Variants in GMIP observed in about 807,000 individuals in gnomAD.
The protein encoded by GMIP is GEM-interacting protein.
Under a neutral mutation model 105.3 loss-of-function variants are expected in GMIP, and 54 were observed. That is an observed-to-expected ratio of 0.51 (90% CI 0.41 to 0.64). GMIP has a LOEUF of 0.64. Among genes scored for constraint, GMIP ranks in the 30% least tolerant of loss-of-function variants. The pLI is 0.00. For synonymous variants in GMIP, 541 were observed against 560.8 expected, an observed-to-expected ratio of 0.96 and a Z score of 0.50; for missense variants, 1,110 against 1,319.4, an observed-to-expected ratio of 0.84 and a Z score of 2.46.
rs2061847566 is a variant in GMIP at position 19,635,744 on chromosome 19, A to C, written c.1328-23T>G. 4 of 1,597,364 alleles carry C rather than the reference A, an allele frequency of 2.5e-6. No homozygotes were observed. Among genetic ancestry groups the C allele is most frequent in the Non-Finnish European group, 3.4e-6 (4 of 1,165,016 alleles). On this transcript the variant is annotated intron_variant, in intron 13 of 20. Coordinates refer to ENST00000203556, the MANE Select transcript of GMIP (RefSeq NM_016573.4). This position sits in a 1 kb window ranked among gnomAD's most constrained non-coding sequence, Gnocchi z 4.7. ...CGCCTGGGGTCAGAGGAATCATGGG[A>C]GATTCCTGGGCTATGGGAGGCACTC...
chr19:19,641,696 T>TG, intron 4 of GMIP, 114 bp downstream of exon 4: 1 of 799,640 alleles, frequency 1.3e-6, no homozygotes, highest in Non-Finnish European at 2.2e-6. Flanking sequence ...TTGTGTGTAC[T>TG]GCCATATTCC....
At position 19,630,337 on chromosome 19, in the gene GMIP, CTG is replaced by C. The variant is rs752557374; in HGVS notation, c.2540-3_2540-2del. ...GAGTCCTCTGGGCCTTGGCTGGACA[CTG>C]TGTACGGGGTGGGTGGTCAGTGCAG... is the stretch of plus-strand genomic sequence containing the variant. On this transcript the variant is annotated splice_acceptor_variant and splice_polypyrimidine_tract_variant and intron_variant, in intron 20 of 20. Coordinates refer to ENST00000203556, the MANE Select transcript of GMIP (RefSeq NM_016573.4). LOFTEE classifies it high-confidence loss of function. The surrounding 1 kb of genome is among the most constrained non-coding windows in gnomAD (Gnocchi z 4.8). 2.6e-6 allele frequency: 4 copies of C among 1,540,864 alleles called. No individual in the cohort carries two copies. Among genetic ancestry groups the C allele is most frequent in the Admixed American group, 2.0e-5 (1 of 49,798 alleles).
intron 19 of GMIP, among the ~76,000 whole-genome samples, chr19:19,631,909 A>G (rs920872790): frequency 6.6e-6 from 1 of 150,868 alleles, no homozygotes; most frequent in Non-Finnish European, 1.5e-5. Context: ...AATGACGTGA[A>G]CCTGGGAGGC....
At position 19,633,882 on chromosome 19, in the gene GMIP, G is replaced by C. The variant is rs1376824033; in HGVS notation, c.2393C>G (p.Pro798Arg). ...PPHLDPDSQPPVLASDPGPDP... is the reference protein window; with the variant it reads ...PPHLDPDSQPRVLASDPGPDP... ...TGGGCCGGGGTCTGAGGCTAGGACT[G>C]GGGGCTGGGAGTCTGGGTCAAGGTG... The change falls in exon 19 of 21, where the codon CCA (proline) becomes CGA (arginine). Residue 798 changes from proline (P) to arginine (R), a missense_variant. Physicochemically the swap from Pro to Arg is moderately radical, Grantham distance 103. This residue lies in a region of GMIP where 394 missense variants were observed against 450.5 expected (regional missense o/e 0.87). Coordinates refer to ENST00000203556, the MANE Select transcript of GMIP (RefSeq NM_016573.4). 6.6e-7 allele frequency: 1 copy of C among 1,508,610 alleles called. No homozygotes were observed. The highest frequency in any genetic ancestry group is 2.3e-5 in the East Asian group (1 of 43,440). 93.5% of individuals were successfully genotyped at this position (1,508,610 alleles called of 1,614,324 possible).
chr19:19,640,183 G>A lies in GMIP; in HGVS notation c.439C>T (p.Pro147Ser), dbSNP rs764412314. The change falls in exon 7 of 21, where the codon CCT becomes TCT. Residue 147 changes from proline to serine, a missense_variant. Physicochemically the swap from Pro to Ser is moderately conservative, Grantham distance 74 (BLOSUM62 -1). Transcript: ENST00000203556. ...KVSIQQQSHM[P>S]LQYIYTLFLE... ...AACAGGGTGTAGATGTACTGCAGAG[G>A]CATGTGGCTCTGGGGAAGACAGAGT... The A allele has an allele frequency of 6.2e-7, 1 of 1,609,114 alleles. No homozygotes were observed. The highest frequency in any genetic ancestry group is 1.1e-5 in the South Asian group (1 of 90,972).
At chr19:19,641,672 G>A in intron 4 of GMIP, 138 bp downstream of exon 4, 1 of 734,096 alleles carries the variant, frequency 1.4e-6, no homozygotes, top group Non-Finnish European at 2.4e-6. Context: ...CCTGAGGGCT[G>A]GGACTGAGAT....
rs761872001 is a variant in GMIP at position 19,635,642 on chromosome 19, A to C, written c.1405+2T>G. The C allele has an allele frequency of 3.7e-6, 6 of 1,613,890 alleles. No homozygotes were observed. The African/African-American group carries it at 8.0e-5, about 22-fold the overall frequency. ...TCCTGACCTACCCTGCTTCAGCCTC[A>C]CCAGGGTCTCGCTCCTCAAAGTCAT... On this transcript the variant is annotated splice_donor_variant, in intron 14 of 20. Transcript: ENST00000203556. LOFTEE classifies it high-confidence loss of function. The surrounding 1 kb of genome is among the most constrained non-coding windows in gnomAD (Gnocchi z 4.7).
intron 1 of GMIP, 188 bp downstream of exon 1, chr19:19,643,323 G>C (rs909818432): frequency 4.1e-5 from 20 of 488,108 alleles, no homozygotes; most frequent in African/African-American, 3.2e-4. Flanking sequence ...AAAGGGGGAG[G>C]GGGAGTGAAG....
In GMIP at chr19:19,630,142, C is replaced by T. The variant is rs1349137652; in HGVS notation, c.2734G>A (p.Gly912Arg). 1 of 1,603,460 alleles carries T rather than the reference C, an allele frequency of 6.2e-7. No homozygotes were observed. Among genetic ancestry groups the T allele is most frequent in the Non-Finnish European group, 8.5e-7 (1 of 1,173,884 alleles). Residue 912 changes from glycine (G) to arginine (R), a missense_variant, in exon 21 of 21, where the codon GGG (glycine) becomes AGG (arginine). This residue lies in a region of GMIP where 394 missense variants were observed against 450.5 expected (regional missense o/e 0.87). Transcript: ENST00000203556. This position sits in a 1 kb window ranked among gnomAD's most constrained non-coding sequence, Gnocchi z 4.8. ...SVPRGSLRGRGPSPAAASPEG... is the reference protein window; with the variant it reads ...SVPRGSLRGRRPSPAAASPEG... ...GGGGAGGCAGCTGCAGGGCTGGGCC[C>T]CCGCCCCCGCAAACTCCCTCTGGGC...
chr19:19,637,419 G>C lies in GMIP; in HGVS notation c.1070C>G (p.Pro357Arg). 1 of 1,491,604 alleles carries C rather than the reference G, an allele frequency of 6.7e-7. No individual in the cohort carries two copies. The highest frequency in any genetic ancestry group is 8.9e-7 in the Non-Finnish European group (1 of 1,128,108). The allele number at this position is 1,491,604 out of a possible 1,614,324, so 92.4% of individuals were successfully genotyped here. ...GGAGAAGGCGGGCGGCGGGGGCGGCGGGGCCTCGGGCCGCAGCGCCCGTAC... is the reference window on the plus strand; with the variant it reads ...GGAGAAGGCGGGCGGCGGGGGCGGCCGGGCCTCGGGCCGCAGCGCCCGTAC... ...EFVRALRPEA[P>R]PPPPPAFSFQ... Residue 357 changes from proline to arginine, a missense_variant, in exon 11 of 21, where the codon CCG becomes CGG. By Grantham distance (103) the Pro-to-Arg change is moderately radical (BLOSUM62 -2). Around this residue, in one of 3 missense-constraint regions of GMIP, gnomAD observed 667 missense variants for 773.2 expected, o/e 0.86. Coordinates refer to ENST00000203556, the MANE Select transcript of GMIP (RefSeq NM_016573.4). The surrounding 1 kb of genome is among the most constrained non-coding windows in gnomAD (Gnocchi z 6.7).
rs772285145 is a variant in GMIP at position 19,634,723 on chromosome 19, C to T, written c.1888-20G>A. 37 of 1,607,954 alleles carry T rather than the reference C, an allele frequency of 2.3e-5. No homozygotes were observed. Among genetic ancestry groups the T allele is most frequent in the African/African-American group, 6.7e-5 (5 of 74,768 alleles). On this transcript the variant is annotated intron_variant, in intron 17 of 20. Coordinates refer to ENST00000203556, the MANE Select transcript of GMIP (RefSeq NM_016573.4). The surrounding 1 kb of genome is among the most constrained non-coding windows in gnomAD (Gnocchi z 6.1). ...GGTGAGCTGGGGGTGGAACGGAGGG[C>T]GCAACACGAGTGTGGGTGGGCTGTG... is the stretch of plus-strand genomic sequence containing the variant.
chr19:19,642,457 G>C, intron 2 of GMIP, 78 bp downstream of exon 2: 1 of 830,350 alleles, frequency 1.2e-6, no homozygotes, highest in South Asian at 1.4e-5. Context: ...GGTTCCAAAT[G>C]GGACTGCAAG....
Position 19,640,350 on chromosome 19 carries a change from A to G in GMIP, c.375T>C (p.Phe125=). ...CAGCGATCTTCATGGTGCTCTTAGC[A>G]AACTCCAGCTCTGGGGGAAGAGAGA... ...TEKRASYELE[F]AKSTMKIAEA... Residue 125 remains phenylalanine, a synonymous_variant, in exon 6 of 21, where the codon TTT becomes TTC. Transcript: ENST00000203556. 6.2e-7 allele frequency: 1 copy of G among 1,614,028 alleles called. No individual in the cohort carries two copies. The highest frequency in any genetic ancestry group is 1.1e-5 in the South Asian group (1 of 91,076).
In GMIP at chr19:19,630,420, C is replaced by G. The variant is rs1248845683; in HGVS notation, c.2539+51G>C. 16 of 1,605,650 alleles carry G rather than the reference C, an allele frequency of 1.0e-5. No homozygotes were observed. The highest frequency in any genetic ancestry group is 1.4e-5 in the Non-Finnish European group (16 of 1,175,516). On this transcript the variant is annotated intron_variant, in intron 20 of 20. Transcript: ENST00000203556. This position sits in a 1 kb window ranked among gnomAD's most constrained non-coding sequence, Gnocchi z 4.8. ...AGGAGTCATCTTTTAGCAAGCCACC[C>G]TGGGGCCAGGGCACCCCCAGAACTC...
chr19:19,641,900 A>G (rs1176474046), intron 3 of GMIP, 33 bp from the exon 4 acceptor site: 1 of 1,611,222 alleles, frequency 6.2e-7, no homozygotes, highest in Non-Finnish European at 8.5e-7. Flanking sequence ...TCAGAAGCAA[A>G]CAGGGCAGGG....
At chr19:19,643,203 C>T (rs2061942269) in intron 1 of GMIP, 1 of 368,394 alleles carries the variant, frequency 2.7e-6, no homozygotes, top group Non-Finnish European at 4.9e-6. Flanking sequence ...ACCGCGTTGC[C>T]CTCTCCCTCA....
At position 19,629,860 on chromosome 19, in the gene GMIP, T is replaced by C; in HGVS notation, c.*103A>G. On this transcript the variant is annotated 3_prime_UTR_variant, in exon 21 of 21. Coordinates refer to ENST00000203556, the MANE Select transcript of GMIP (RefSeq NM_016573.4). ...GAACCCTCTGGACCTCTCCCAGCAT[T>C]GAACTCCTGGCGGGGTGTTTGGCCA... 13 of 1,172,222 alleles carry C rather than the reference T, an allele frequency of 1.1e-5. No individual in the cohort carries two copies. Among genetic ancestry groups the C allele is most frequent in the Non-Finnish European group, 1.5e-5 (13 of 841,124 alleles). The allele number at this position is 1,172,222 out of a possible 1,614,324, so 72.6% of individuals were successfully genotyped here. A position where few individuals can be genotyped will look rare whatever the true frequency, so the allele number is the denominator to read the frequency against.
intron 19 of GMIP, among the ~76,000 whole-genome samples, chr19:19,633,059 C>CTTT (rs34310969): frequency 3.6e-5 from 5 of 139,940 alleles, no homozygotes; most frequent in Non-Finnish European, 3.1e-5. Flanking sequence ...TCTTACTCCA[C>CTTT]TTTTTTTTTT....
intron 7 of GMIP, among the ~76,000 whole-genome samples, chr19:19,638,933 A>G (rs2061888255): frequency 6.6e-6 from 1 of 151,910 alleles, no homozygotes; most frequent in Non-Finnish European, 1.5e-5. Context: ...TACAAAAATT[A>G]TAAAGATGTG....
Sources: allele counts gnomAD v4.1 joint callset (sites outside exome capture counted in the v4.1 genomes callset), GRCh38; gene constraint gnomAD v4.1.1; regional missense constraint gnomAD v4.1.1; non-coding constraint Gnocchi (gnomAD v3.1); transcripts MANE v1.5; gene names NCBI Gene and HGNC (gene_info 2026-07-23, HGNC 2026-07-21).